The following TENM2 variants were observed in gnomAD, a reference collection of about 807,000 sequenced individuals.
TENM2 encodes teneurin transmembrane protein 2, also known as teneurin-2.
Under a neutral mutation model 245.2 loss-of-function variants are expected in TENM2, and 52 were observed. That is an observed-to-expected ratio of 0.21 (90% CI 0.17 to 0.27). The LOEUF (loss-of-function observed/expected upper bound fraction) is 0.27, where lower values mean the gene tolerates loss of function less well. Among genes scored for constraint, TENM2 ranks in the 10% least tolerant of loss-of-function variants. The pLI is 1.00. For missense variants in TENM2, 3,046 were observed against 3,666.8 expected (o/e 0.83, Z 4.37); for synonymous variants, 1,363 against 1,438.9 (o/e 0.95, Z 1.19).
At chr5:167,347,379 CA>C (rs1331023142) in intron 1 of TENM2, among the ~76,000 whole-genome samples, 1 of 152,122 alleles carries the variant, frequency 6.6e-6, no homozygotes, top group Non-Finnish European at 1.5e-5. Context: ...AAATGTGCAG[CA>C]ACAAAGGAGA....
At chr5:167,417,663 T>C (rs1763242863) in intron 2 of TENM2, among the ~76,000 whole-genome samples, 1 of 152,118 alleles carries the variant, frequency 6.6e-6, no homozygotes, top group Non-Finnish European at 1.5e-5. Context: ...GTAAGTGGTG[T>C]GATTCCCTTT....
intron 2 of TENM2, among the ~76,000 whole-genome samples, chr5:167,622,183 T>C (rs1778217029): frequency 6.6e-6 from 1 of 152,160 alleles, no homozygotes; most frequent in Non-Finnish European, 1.5e-5. Context: ...TTCTATTTGG[T>C]TTATTTGATT....
At position 167,486,131 on chromosome 5, in the gene TENM2, C is replaced by T. The variant is rs140662502; in HGVS notation, c.502+110658C>T. 9.7e-3 allele frequency among the ~76,000 whole-genome samples: 1,476 copies of T among 152,034 alleles called. 17 individuals carry two copies. Among genetic ancestry groups the T allele is most frequent in the Non-Finnish European group, 0.017 (1,182 of 67,988 alleles). On this transcript the variant is annotated intron_variant, in intron 2 of 28. Coordinates refer to ENST00000518659, the Ensembl canonical transcript of TENM2. ...TGATTTCACAGAGAGCCTGTTCCAA[C>T]GTACTGCAAAATAAAAGTAAAGATT...
At chr5:167,876,565 T>TTGTG (rs1379697674) in intron 3 of TENM2, among the ~76,000 whole-genome samples, 1 of 152,212 alleles carries the variant, frequency 6.6e-6, no homozygotes, top group African/African-American at 2.4e-5. Context: ...CAGGCCCAAT[T>TTGTG]TGTGTGTATC....
At chr5:167,492,652 G>C (rs987832227) in intron 2 of TENM2, among the ~76,000 whole-genome samples, 4 of 151,920 alleles carry the variant, frequency 2.6e-5, no homozygotes, top group African/African-American at 9.7e-5. Context: ...TATTTCCATT[G>C]TGCTATGCCT....
At chr5:167,101,846 T>TGC in the TENM2 span, among the ~76,000 whole-genome samples, 3,486 of 105,008 alleles carry the variant, frequency 0.033, 144 homozygotes, top group East Asian at 0.1. Flanking sequence ...TATATATATA[T>TGC]ATTTATATAT....
chr5:168,102,147 C>T (rs569213248), intron 9 of TENM2, among the ~76,000 whole-genome samples: 32 of 152,244 alleles, frequency 2.1e-4, no homozygotes, highest in Admixed American at 3.9e-4. Context: ...AATCTCGGCT[C>T]ACCGCAACCT....
chr5:167,814,131 A>G (rs1218836090), intron 2 of TENM2, among the ~76,000 whole-genome samples: 1 of 152,174 alleles, frequency 6.6e-6, no homozygotes, highest in Non-Finnish European at 1.5e-5. Flanking sequence ...GTCAGTCTCC[A>G]GGGGCCAATT....
chr5:167,428,659 A>T (rs548354011), intron 2 of TENM2, among the ~76,000 whole-genome samples: 6 of 152,300 alleles, frequency 3.9e-5, no homozygotes, highest in Middle Eastern at 3.4e-3. Context: ...GGCTTGAAGG[A>T]TGTATTTGAT....
chr5:167,123,936 C>G, the TENM2 span, among the ~76,000 whole-genome samples: 97 of 152,312 alleles, frequency 6.4e-4, no homozygotes, highest in African/African-American at 1.6e-3. Context: ...TAAAGAACTT[C>G]TAACTCTAAA....
At chr5:167,592,493 G>C (rs1441229173) in intron 2 of TENM2, among the ~76,000 whole-genome samples, 1 of 152,148 alleles carries the variant, frequency 6.6e-6, no homozygotes, top group African/African-American at 2.4e-5. Flanking sequence ...GAGCCTTCCT[G>C]ACATTTTGTC....
chr5:167,369,254 A>G (rs995457487), intron 1 of TENM2, among the ~76,000 whole-genome samples: 13 of 152,122 alleles, frequency 8.5e-5, no homozygotes, highest in Admixed American at 4.6e-4. Flanking sequence ...TGATTTTTGT[A>G]TGTAATGTCC....
At chr5:167,657,734 G>A (rs1754943319) in intron 2 of TENM2, among the ~76,000 whole-genome samples, 1 of 152,202 alleles carries the variant, frequency 6.6e-6, no homozygotes, top group East Asian at 1.9e-4. Context: ...AGTAAACATA[G>A]GCTATACTTT....
chr5:167,327,354 T>A (rs1205763909), intron 1 of TENM2, among the ~76,000 whole-genome samples: 1 of 152,210 alleles, frequency 6.6e-6, no homozygotes. Flanking sequence ...CTGGCACATA[T>A]CAGAAAGGAT....
chr5:167,177,113 A>G, the TENM2 span, among the ~76,000 whole-genome samples: 1 of 152,174 alleles, frequency 6.6e-6, no homozygotes, highest in East Asian at 1.9e-4. Flanking sequence ...AGTCAAGGAA[A>G]GTTGAGACAA....
At chr5:167,035,865 C>A in the TENM2 span, among the ~76,000 whole-genome samples, 2 of 152,178 alleles carry the variant, frequency 1.3e-5, no homozygotes, top group South Asian at 4.1e-4. Context: ...GCCTCAGTCT[C>A]CCCTGTAGCT....
intron 2 of TENM2, among the ~76,000 whole-genome samples, chr5:167,549,829 C>T (rs1772815106): frequency 1.3e-5 from 2 of 152,004 alleles, no homozygotes; most frequent in African/African-American, 2.4e-5. Context: ...AGCTGACTTT[C>T]GTTCCATTAT....
At chr5:167,034,446 C>T in the TENM2 span, among the ~76,000 whole-genome samples, 7 of 151,756 alleles carry the variant, frequency 4.6e-5, no homozygotes, top group South Asian at 2.1e-4. Context: ...CCGGCTAAAA[C>T]GGTGAAACCC....
At chr5:167,825,898 T>C (rs1046605906) in intron 2 of TENM2, among the ~76,000 whole-genome samples, 5 of 151,516 alleles carry the variant, frequency 3.3e-5, no homozygotes, top group African/African-American at 1.2e-4. Flanking sequence ...GACCCAGGTA[T>C]CAGCTCAAAC....
Sources: allele counts gnomAD v4.1 joint callset (sites outside exome capture counted in the v4.1 genomes callset), GRCh38; gene constraint gnomAD v4.1.1; transcripts MANE v1.5; gene names NCBI Gene and HGNC (gene_info 2026-07-23, HGNC 2026-07-21).